Variants in FSTL4 observed in about 807,000 individuals in gnomAD.
FSTL4 encodes the protein follistatin-related protein 4.
In FSTL4, 28 loss-of-function variants were observed where a neutral mutation model predicts 78.2. The observed-to-expected ratio is 0.36, with a 90% confidence interval of 0.27 to 0.49. The LOEUF is 0.49. FSTL4 is among the 20% of genes least tolerant of loss of function. The pLI is 0.98. For missense variants in FSTL4, 922 were observed against 1,084.9 expected, an observed-to-expected ratio of 0.85 and a Z score of 2.11; for synonymous variants, 422 against 440.5, an observed-to-expected ratio of 0.96 and a Z score of 0.53.
At chr5:133,374,080 T>A (rs1321409234) in intron 4 of FSTL4, among the ~76,000 whole-genome samples, 1 of 152,188 alleles carries the variant, frequency 6.6e-6, no homozygotes, top group African/African-American at 2.4e-5. Context: ...GCTAGCCATG[T>A]CCTGAGTGGT....
chr5:133,264,198 A>C (rs767755198), intron 6 of FSTL4, among the ~76,000 whole-genome samples: 1 of 152,234 alleles, frequency 6.6e-6, no homozygotes, highest in Admixed American at 6.5e-5. Context: ...CCAAATACCA[A>C]TAGTGGCGCT....
At chr5:133,243,961 C>T (rs754162359) in intron 7 of FSTL4, 10 of 152,320 alleles carry the variant, frequency 6.6e-5, no homozygotes, top group Admixed American at 2.0e-4. Context: ...ACTTCACCCT[C>T]CGAGTGGCCG....
chr5:133,209,439 TG>T (rs1332481237), intron 14 of FSTL4, among the ~76,000 whole-genome samples: 1 of 152,216 alleles, frequency 6.6e-6, no homozygotes, highest in Non-Finnish European at 1.5e-5. Flanking sequence ...ATCCATTATA[TG>T]TAATGAATTA....
At chr5:133,554,354 C>T (rs574947299) in intron 3 of FSTL4, among the ~76,000 whole-genome samples, 1 of 152,346 alleles carries the variant, frequency 6.6e-6, no homozygotes, top group South Asian at 2.1e-4. Flanking sequence ...TAGCATGTTT[C>T]TCGCTATATT....
intron 4 of FSTL4, among the ~76,000 whole-genome samples, chr5:133,362,120 T>C (rs1037124020): frequency 1.3e-5 from 2 of 152,210 alleles, no homozygotes; most frequent in African/African-American, 4.8e-5. Context: ...GGCAACACAG[T>C]GTTGTGGCAT....
intron 3 of FSTL4, among the ~76,000 whole-genome samples, chr5:133,461,025 C>T (rs1757581858): frequency 6.6e-6 from 1 of 152,180 alleles, no homozygotes; most frequent in Non-Finnish European, 1.5e-5. Flanking sequence ...GTTTTGGACA[C>T]TAGTGCAGAA....
At chr5:133,508,380 G>T (rs1263716988) in intron 3 of FSTL4, among the ~76,000 whole-genome samples, 1 of 152,174 alleles carries the variant, frequency 6.6e-6, no homozygotes, top group Non-Finnish European at 1.5e-5. Flanking sequence ...GAAGGTCTGA[G>T]CTACCTTTGG....
the FSTL4 span, among the ~76,000 whole-genome samples, chr5:133,659,270 T>A: frequency 1.3e-5 from 2 of 152,164 alleles, no homozygotes; most frequent in Non-Finnish European, 2.9e-5. Flanking sequence ...TGTCTGTTGA[T>A]GACACATTAT....
At chr5:133,323,356 C>T (rs983159382) in intron 4 of FSTL4, among the ~76,000 whole-genome samples, 6 of 152,172 alleles carry the variant, frequency 3.9e-5, no homozygotes, top group Admixed American at 1.3e-4. Flanking sequence ...AAGTGGTTGG[C>T]GAGGCCTGGG....
At chr5:133,245,909 T>C (rs1441147293) in intron 7 of FSTL4, among the ~76,000 whole-genome samples, 1 of 152,226 alleles carries the variant, frequency 6.6e-6, no homozygotes, top group Non-Finnish European at 1.5e-5. Flanking sequence ...ACATGTGTCA[T>C]TAGAATGGCA....
At chr5:133,475,637 C>G (rs165994) in intron 3 of FSTL4, among the ~76,000 whole-genome samples, 25,558 of 152,258 alleles carry the variant, frequency 0.17, 2,661 homozygotes, top group African/African-American at 0.3. Flanking sequence ...GCTTTGTAGA[C>G]ATGGCAGAAT....
chr5:133,783,334 T>C, the FSTL4 span, among the ~76,000 whole-genome samples: 1 of 152,200 alleles, frequency 6.6e-6, no homozygotes, highest in East Asian at 1.9e-4. Context: ...AATAAATAAA[T>C]AGGAATAATT....
the FSTL4 span, among the ~76,000 whole-genome samples, chr5:133,709,936 T>C: frequency 6.6e-6 from 1 of 152,212 alleles, no homozygotes; most frequent in East Asian, 1.9e-4. Context: ...CTGGGCACGC[T>C]GGGCAAGAGG....
intron 3 of FSTL4, among the ~76,000 whole-genome samples, chr5:133,443,224 A>G (rs546673650): frequency 6.6e-6 from 1 of 152,370 alleles, no homozygotes; most frequent in South Asian, 2.1e-4. Context: ...AGGTCCAAAA[A>G]TAGCCAATCA....
In FSTL4 at chr5:133,440,558, G is replaced by A. The variant is rs182539019; in HGVS notation, c.161-39572C>T. On this transcript the variant is annotated intron_variant, in intron 3 of 15. Coordinates refer to ENST00000265342, the MANE Select transcript of FSTL4 (RefSeq NM_015082.2). The surrounding 1 kb of genome is among the most constrained non-coding windows in gnomAD (Gnocchi z 4.1). Reference sequence around the variant, plus strand: ...CAGTCGGTACTGGACTTAGCTTATCGCCTCCCCAGGATGGATGTGCCAAGG... The same window carrying A: ...CAGTCGGTACTGGACTTAGCTTATCACCTCCCCAGGATGGATGTGCCAAGG... Among the ~76,000 whole-genome samples, 197 of 152,280 alleles carry A rather than the reference G, an allele frequency of 1.3e-3. 1 individual carries two copies. The highest frequency in any genetic ancestry group is 9.7e-4 in the Non-Finnish European group (66 of 68,022).
intron 3 of FSTL4, among the ~76,000 whole-genome samples, chr5:133,450,916 G>A (rs979679498): frequency 1.3e-5 from 2 of 152,152 alleles, no homozygotes; most frequent in Non-Finnish European, 2.9e-5. Flanking sequence ...CCAGACCCCA[G>A]GTGTTCCCAG....
the FSTL4 span, among the ~76,000 whole-genome samples, chr5:133,695,902 A>G: frequency 2.0e-5 from 3 of 152,356 alleles, no homozygotes; most frequent in Non-Finnish European, 4.4e-5. Context: ...AGTGGAGCCC[A>G]GGTTCCAATG....
intron 3 of FSTL4, among the ~76,000 whole-genome samples, chr5:133,418,326 C>T (rs948548933): frequency 1.3e-5 from 2 of 151,138 alleles, no homozygotes; most frequent in African/African-American, 2.4e-5. Flanking sequence ...AGAAATTTTA[C>T]ACCAATAATT....
At chr5:133,316,775 C>T (rs879067439) in intron 4 of FSTL4, 123 bp from the exon 5 acceptor site, 31 of 715,878 alleles carry the variant, frequency 4.3e-5, no homozygotes, top group South Asian at 3.1e-4. Flanking sequence ...GTGCAGTGCA[C>T]GGTGCAACTG....
Sources: gnomAD v4.1 joint callset for allele counts (sites outside exome capture counted in the v4.1 genomes callset) on GRCh38, gnomAD v4.1.1 for gene constraint, Gnocchi (gnomAD v3.1) non-coding constraint, MANE v1.5 for transcripts, NCBI Gene and HGNC (gene_info 2026-07-23, HGNC 2026-07-21) for gene names.